The following STK32B variants were observed in gnomAD, a reference collection of about 807,000 sequenced individuals.
STK32B encodes serine/threonine kinase 32B, also known as serine/threonine-protein kinase 32B.
A neutral mutation model predicts 52.6 loss-of-function variants in STK32B; 43 were observed. The observed-to-expected ratio is 0.82, with a 90% CI of 0.64 to 1.05. The LOEUF (loss-of-function observed/expected upper bound fraction) is 1.05, where lower values mean the gene tolerates loss of function less well. STK32B is among the 50% of genes least tolerant of loss of function. STK32B has a pLI of 0.00. For missense variants in STK32B, 621 were observed against 534.6 expected (o/e 1.16, Z -1.59); for synonymous variants, 238 against 204.3 (o/e 1.17, Z -1.41).
chr4:5,386,517 TA>T lies in STK32B; in HGVS notation c.435-11688del, dbSNP rs1736266371. Among the ~76,000 whole-genome samples, 1 of 152,168 alleles carries T rather than the reference TA, an allele frequency of 6.6e-6. No homozygotes were observed. The highest frequency in any genetic ancestry group is 2.4e-5 in the African/African-American group (1 of 41,432). On this transcript the variant is annotated intron_variant, in intron 4 of 11. Coordinates refer to ENST00000282908, the MANE Select transcript of STK32B (RefSeq NM_018401.3). This position sits in a 1 kb window ranked among gnomAD's most constrained non-coding sequence, Gnocchi z 4.5. ...TGCACATATTTGTAATTTGACCTAG[TA>T]ACTGAACATCTCTCAGCCTCATTGT...
At chr4:5,357,470 CTG>C (rs1734264429) in intron 4 of STK32B, among the ~76,000 whole-genome samples, 1 of 152,036 alleles carries the variant, frequency 6.6e-6, no homozygotes, top group East Asian at 1.9e-4. Context: ...AGGATAAAAT[CTG>C]GCATCAAGGA....
Position 5,317,181 on chromosome 4 carries a change from T to C in STK32B, c.261-14039T>C, listed in dbSNP as rs1463412687. Among the ~76,000 whole-genome samples, 3 of 46,334 alleles carry C rather than the reference T, an allele frequency of 6.5e-5. No homozygotes were observed. In the South Asian group the frequency reaches 2.0e-3, roughly 31 times the overall value. The allele number at this position is 46,334 out of a possible 152,430, so 30.4% of individuals were successfully genotyped here. A position where few individuals can be genotyped will look rare whatever the true frequency, so the allele number is the denominator to read the frequency against. ...TATTACATATATATAACATATAATATATATATATAACATATATATATTATA... is the reference window on the plus strand; with the variant it reads ...TATTACATATATATAACATATAATACATATATATAACATATATATATTATA... On this transcript the variant is annotated intron_variant, in intron 3 of 11. Coordinates refer to ENST00000282908, the MANE Select transcript of STK32B (RefSeq NM_018401.3).
intron 3 of STK32B, among the ~76,000 whole-genome samples, chr4:5,257,941 T>G (rs1485229774): frequency 6.6e-6 from 1 of 151,694 alleles, no homozygotes; most frequent in African/African-American, 2.4e-5. Context: ...AGACTCCATC[T>G]CAAAAAAGAA....
At chr4:5,060,283 T>C (rs1292552320) in intron 1 of STK32B, among the ~76,000 whole-genome samples, 2 of 152,206 alleles carry the variant, frequency 1.3e-5, no homozygotes, top group Non-Finnish European at 2.9e-5. Flanking sequence ...TTATTATTGA[T>C]AAGTTTCAAG....
the STK32B span, among the ~76,000 whole-genome samples, chr4:5,043,128 A>C: frequency 6.6e-6 from 1 of 151,418 alleles, no homozygotes; most frequent in Admixed American, 6.6e-5. Flanking sequence ...AAAAAAAAAA[A>C]AAAAAAAACC....
chr4:5,388,744 G>A (rs1049236725), intron 4 of STK32B, among the ~76,000 whole-genome samples: 2 of 152,194 alleles, frequency 1.3e-5, no homozygotes, highest in African/African-American at 4.8e-5. Flanking sequence ...TTAAGAAGAT[G>A]ACTCCCTCAT....
intron 11 of STK32B, among the ~76,000 whole-genome samples, chr4:5,475,383 CCACTG>C (rs1487245279): frequency 2.0e-4 from 29 of 147,870 alleles, no homozygotes; most frequent in Middle Eastern, 3.2e-3. Flanking sequence ...CGAGATCACA[CCACTG>C]CACTCCAGCC....
intron 3 of STK32B, among the ~76,000 whole-genome samples, chr4:5,274,779 C>A (rs1188196912): frequency 1.8e-4 from 27 of 152,150 alleles, no homozygotes; most frequent in Non-Finnish European, 3.1e-4. Flanking sequence ...ACGGCTCGAG[C>A]TGAGCTTTCC....
chr4:5,032,361 T>A, the STK32B span, among the ~76,000 whole-genome samples: 1 of 150,608 alleles, frequency 6.6e-6, no homozygotes, highest in Non-Finnish European at 1.5e-5. Context: ...TAGTCCCAGC[T>A]ACTCAGGAGG....
At chr4:5,266,426 A>G (rs967021545) in intron 3 of STK32B, among the ~76,000 whole-genome samples, 6 of 152,222 alleles carry the variant, frequency 3.9e-5, no homozygotes, top group African/African-American at 1.4e-4. Context: ...TTTCAAAAAC[A>G]GTATACAAAG....
chr4:5,198,142 C>T (rs1056164110), intron 3 of STK32B, among the ~76,000 whole-genome samples: 2 of 152,088 alleles, frequency 1.3e-5, no homozygotes, highest in African/African-American at 4.8e-5. Flanking sequence ...GGCATGTTGC[C>T]TAACAATGGA....
chr4:5,087,715 A>T (rs2108780416), intron 1 of STK32B, among the ~76,000 whole-genome samples: 1 of 152,138 alleles, frequency 6.6e-6, no homozygotes, highest in East Asian at 1.9e-4. Context: ...ATATTATATA[A>T]TAATAAAAAG....
At chr4:5,253,591 G>A (rs1289390758) in intron 3 of STK32B, among the ~76,000 whole-genome samples, 1 of 152,056 alleles carries the variant, frequency 6.6e-6, no homozygotes, top group Admixed American at 6.6e-5. Context: ...GGACAGGCTG[G>A]TCTCAAACTC....
At chr4:5,372,473 A>G (rs189006112) in intron 4 of STK32B, among the ~76,000 whole-genome samples, 62 of 152,242 alleles carry the variant, frequency 4.1e-4, no homozygotes, top group Middle Eastern at 3.4e-3. Flanking sequence ...CTTAGCACAC[A>G]TTCACATTCG....
At chr4:5,240,940 A>C (rs1455782347) in intron 3 of STK32B, among the ~76,000 whole-genome samples, 3 of 152,088 alleles carry the variant, frequency 2.0e-5, no homozygotes, top group Non-Finnish European at 4.4e-5. Flanking sequence ...TCACCATCTT[A>C]CTAATTTTAG....
chr4:5,284,356 T>A (rs1728409233), intron 3 of STK32B, among the ~76,000 whole-genome samples: 1 of 151,994 alleles, frequency 6.6e-6, no homozygotes, highest in Non-Finnish European at 1.5e-5. Flanking sequence ...CTCTAAAAAC[T>A]AGGTTTAAGA....
chr4:5,336,027 A>G (rs927724744), intron 4 of STK32B, among the ~76,000 whole-genome samples: 4 of 150,802 alleles, frequency 2.7e-5, no homozygotes, highest in African/African-American at 9.8e-5. Flanking sequence ...AGGAAGACTA[A>G]AGGTTATTCT....
chr4:5,406,582 C>T (rs942427591), intron 5 of STK32B, among the ~76,000 whole-genome samples: 6 of 152,310 alleles, frequency 3.9e-5, no homozygotes, highest in African/African-American at 1.4e-4. Flanking sequence ...GCTCCCAAGC[C>T]TCAGCTCTTA....
chr4:5,288,653 A>G (rs1485042476), intron 3 of STK32B, among the ~76,000 whole-genome samples: 1 of 152,192 alleles, frequency 6.6e-6, no homozygotes, highest in Non-Finnish European at 1.5e-5. Context: ...CTTATCAGAT[A>G]TAGAATTTGC....
Sources: allele counts gnomAD v4.1 joint callset (sites outside exome capture counted in the v4.1 genomes callset), GRCh38; gene constraint gnomAD v4.1.1; non-coding constraint Gnocchi (gnomAD v3.1); transcripts MANE v1.5; gene names NCBI Gene and HGNC (gene_info 2026-07-23, HGNC 2026-07-21).